Variants in FHIT observed in about 807,000 individuals in gnomAD.
FHIT encodes the protein bis(5'-adenosyl)-triphosphatase.
In FHIT, 19 loss-of-function variants were observed where a neutral mutation model predicts 17.9. That is an observed-to-expected ratio of 1.06 (90% confidence interval 0.74 to 1.56). The LOEUF (loss-of-function observed/expected upper bound fraction) is 1.56, where lower values mean the gene tolerates loss of function less well. FHIT is among the 40% of genes most tolerant of loss of function. The pLI is 0.00. For missense variants in FHIT, 248 were observed against 189.2 expected, an observed-to-expected ratio of 1.31 and a Z score of -1.82; for synonymous variants, 81 against 69.7, an observed-to-expected ratio of 1.16 and a Z score of -0.81.
chr3:60,314,742 T>C (rs185621203), intron 5 of FHIT, among the ~76,000 whole-genome samples: 1 of 152,110 alleles, frequency 6.6e-6, no homozygotes, highest in Non-Finnish European at 1.5e-5. Context: ...GAGGGGTCTA[T>C]GTTCCTTCTC....
chr3:61,075,245 C>A (rs970883931), intron 2 of FHIT, among the ~76,000 whole-genome samples: 1 of 152,066 alleles, frequency 6.6e-6, no homozygotes, highest in African/African-American at 2.4e-5. Flanking sequence ...GAGCTGCAGA[C>A]CCTCACTGCC....
chr3:60,952,179 CA>C (rs67284263), intron 3 of FHIT, among the ~76,000 whole-genome samples: 4,415 of 103,176 alleles, frequency 0.043, 263 homozygotes, highest in African/African-American at 0.14. Context: ...ACCCCCCCCC[CA>C]AAAAAAAAAA....
At chr3:60,285,174 G>C (rs1229068484) in intron 5 of FHIT, among the ~76,000 whole-genome samples, 1 of 151,814 alleles carries the variant, frequency 6.6e-6, no homozygotes, top group Non-Finnish European at 1.5e-5. Flanking sequence ...ATTAAATGTT[G>C]GTATATATTT....
chr3:60,623,962 T>C (rs2039207839), intron 4 of FHIT, among the ~76,000 whole-genome samples: 2 of 152,190 alleles, frequency 1.3e-5, no homozygotes, highest in African/African-American at 4.8e-5. Context: ...GTGTTTGCTT[T>C]TGAAAAATTC....
At chr3:61,092,820 A>G (rs1438861338) in intron 2 of FHIT, among the ~76,000 whole-genome samples, 3 of 152,192 alleles carry the variant, frequency 2.0e-5, no homozygotes, top group Non-Finnish European at 2.9e-5. Flanking sequence ...GAAAGGATTG[A>G]CAATAAAAGC....
chr3:60,507,578 C>T (rs1217394593), intron 5 of FHIT, among the ~76,000 whole-genome samples: 2 of 152,084 alleles, frequency 1.3e-5, no homozygotes, highest in African/African-American at 2.4e-5. Flanking sequence ...TAGGTAAACT[C>T]GTGTCATGGC....
In FHIT at chr3:61,102,320, T is replaced by C. The variant is rs550662578; in HGVS notation, c.-163-60221A>G. 1.0e-3 allele frequency among the ~76,000 whole-genome samples: 159 copies of C among 152,326 alleles called. 3 individuals are homozygous for C. Among genetic ancestry groups the C allele is most frequent in the Middle Eastern group, 3.4e-3 (1 of 294 alleles). Reference sequence around the variant, plus strand: ...TGCATCTACTGAGATAATCATGTGGTTTTTGTCTTTGGTTCTGTTTATGTG... The same window carrying C: ...TGCATCTACTGAGATAATCATGTGGCTTTTGTCTTTGGTTCTGTTTATGTG... On this transcript the variant is annotated intron_variant, in intron 2 of 9. Coordinates refer to ENST00000492590, the MANE Select transcript of FHIT (RefSeq NM_002012.4).
chr3:60,433,068 CA>C (rs946516485), intron 5 of FHIT, among the ~76,000 whole-genome samples: 30 of 152,002 alleles, frequency 2.0e-4, no homozygotes, highest in African/African-American at 7.2e-4. Flanking sequence ...ATCTGTCAGA[CA>C]GAAACTCTCT....
intron 3 of FHIT, among the ~76,000 whole-genome samples, chr3:61,038,472 T>C (rs1003615186): frequency 6.6e-6 from 1 of 152,250 alleles, no homozygotes; most frequent in Non-Finnish European, 1.5e-5. Flanking sequence ...ATATGTAATA[T>C]AATGTTTGAA....
At chr3:60,451,866 G>A (rs1262929811) in intron 5 of FHIT, among the ~76,000 whole-genome samples, 2 of 152,062 alleles carry the variant, frequency 1.3e-5, no homozygotes, top group Non-Finnish European at 2.9e-5. Context: ...AAGGAACAAA[G>A]TCCTAACTAT....
intron 5 of FHIT, among the ~76,000 whole-genome samples, chr3:60,173,623 G>A (rs1021583936): frequency 1.3e-5 from 2 of 151,776 alleles, no homozygotes; most frequent in African/African-American, 4.8e-5. Context: ...TGAGGCCTAG[G>A]CAGGAGTGGA....
rs1239897367 is a variant in FHIT at position 60,275,977 on chromosome 3, A to G, written c.103+260883T>C. Among the ~76,000 whole-genome samples, 9 of 138,932 alleles carry G rather than the reference A, an allele frequency of 6.5e-5. 1 individual carries two copies. The allele number at this position is 138,932 out of a possible 152,430, so 91.1% of individuals were successfully genotyped here. On this transcript the variant is annotated intron_variant, in intron 5 of 9. Transcript: ENST00000492590. ...GATAAGTTTAAGCAGTAGTTTTGAG[A>G]ATTTGTTTTTGCAATTTTTTTTTTT... is the stretch of plus-strand genomic sequence containing the variant.
intron 8 of FHIT, among the ~76,000 whole-genome samples, chr3:59,767,965 C>G (rs1451328630): frequency 6.6e-6 from 1 of 152,150 alleles, no homozygotes; most frequent in African/African-American, 2.4e-5. Flanking sequence ...ATTTGATGAA[C>G]TCTAGGGTAG....
At chr3:61,229,472 C>G (rs765917873) in intron 1 of FHIT, among the ~76,000 whole-genome samples, 6 of 152,154 alleles carry the variant, frequency 3.9e-5, no homozygotes, top group African/African-American at 7.2e-5. Context: ...TTTAAGCCAC[C>G]AAATTTGTAG....
At chr3:59,962,331 C>T (rs1331113356) in intron 7 of FHIT, among the ~76,000 whole-genome samples, 1 of 151,866 alleles carries the variant, frequency 6.6e-6, no homozygotes, top group Non-Finnish European at 1.5e-5. Context: ...TTTTTTTCTT[C>T]TTAAGAGCTA....
chr3:60,673,660 G>C (rs983155653), intron 4 of FHIT, among the ~76,000 whole-genome samples: 1 of 152,090 alleles, frequency 6.6e-6, no homozygotes, highest in Admixed American at 6.5e-5. Context: ...TACACATCCT[G>C]CACACGTTTC....
At chr3:59,795,115 G>C (rs1260169732) in intron 8 of FHIT, among the ~76,000 whole-genome samples, 1 of 152,226 alleles carries the variant, frequency 6.6e-6, no homozygotes, top group African/African-American at 2.4e-5. Context: ...ATACTGGCCA[G>C]TGGCTCATGC....
intron 5 of FHIT, among the ~76,000 whole-genome samples, chr3:60,527,473 G>A (rs2035618179): frequency 6.6e-6 from 1 of 152,100 alleles, no homozygotes; most frequent in African/African-American, 2.4e-5. Flanking sequence ...TATCAGAAAG[G>A]AGAAAAATTG....
chr3:60,969,586 T>C (rs74964695), intron 3 of FHIT, among the ~76,000 whole-genome samples: 1 of 152,280 alleles, frequency 6.6e-6, no homozygotes, highest in South Asian at 2.1e-4. Context: ...GATTACTTTC[T>C]TTGAAACATA....
Sources: gnomAD v4.1 joint callset for allele counts (sites outside exome capture counted in the v4.1 genomes callset) on GRCh38, gnomAD v4.1.1 for gene constraint, MANE v1.5 for transcripts, NCBI Gene and HGNC (gene_info 2026-07-23, HGNC 2026-07-21) for gene names.